ASB5: variants seen among roughly 807,000 people sequenced by gnomAD.
The protein encoded by ASB5 is ankyrin repeat and SOCS box containing 5.
A neutral mutation model predicts 42.1 loss-of-function variants in ASB5; 45 were observed. The observed-to-expected ratio is 1.07, with a 90% CI of 0.84 to 1.37. The LOEUF (loss-of-function observed/expected upper bound fraction) is 1.37, where lower values mean the gene tolerates loss of function less well. ASB5 is among the 40% of genes most tolerant of loss of function. The probability of loss-of-function intolerance (pLI) is 0.00; values close to 1 mark genes in which losing one functional copy is unlikely to be tolerated. For synonymous variants in ASB5, 147 were observed against 150.6 expected (o/e 0.98, Z 0.18); for missense variants, 402 against 399.8 (o/e 1.01, Z -0.05).
chr4:176,217,424 C>T (rs1388193899), intron 5 of ASB5, among the ~76,000 whole-genome samples: 2 of 151,934 alleles, frequency 1.3e-5, no homozygotes, highest in Non-Finnish European at 2.9e-5. Flanking sequence ...TATTCAGGTG[C>T]TTATTTCTAT....
rs1302419707 is a variant in ASB5 at position 176,221,164 on chromosome 4, G to C, written c.661C>G (p.Leu221Val). The change falls in exon 5 of 7, where the codon CTT (leucine) becomes GTT (valine). Residue 221 changes from leucine (L) to valine (V), a missense_variant. Transcript: ENST00000296525. ...TTTTAAAGGAAAATACCAGCATAAAGAAGCTTCCAGATGCAATGGAATTGC... is the reference window on the plus strand; with the variant it reads ...TTTTAAAGGAAAATACCAGCATAAACAAGCTTCCAGATGCAATGGAATTGC... Reference protein sequence around the residue: ...SQQFHCIWKLLYAGADVQKGK... With the variant: ...SQQFHCIWKLVYAGADVQKGK... 1 of 1,612,870 alleles carries C rather than the reference G, an allele frequency of 6.2e-7. No homozygotes were observed. The highest frequency in any genetic ancestry group is 8.5e-7 in the Non-Finnish European group (1 of 1,179,638).
chr4:176,246,224 G>T (rs1753909570), intron 1 of ASB5, among the ~76,000 whole-genome samples: 2 of 152,102 alleles, frequency 1.3e-5, no homozygotes, highest in Admixed American at 6.5e-5. Context: ...AAGGGGAAAG[G>T]CTTTTACAGC....
chr4:176,229,270 T>G (rs978216264), intron 1 of ASB5, among the ~76,000 whole-genome samples: 2 of 152,192 alleles, frequency 1.3e-5, no homozygotes, highest in African/African-American at 2.4e-5. Flanking sequence ...AACCAGATGT[T>G]GTTGGGAATG....
chr4:176,219,099 AATAT>A (rs369200285), intron 5 of ASB5, among the ~76,000 whole-genome samples: 51 of 16,786 alleles, frequency 3.0e-3, no homozygotes, highest in African/African-American at 0.012. Context: ...ATGATATATA[AATAT>A]ATATATATAT....
rs34392287 is a variant in ASB5, at chr4:176,251,564, TAAAAAAAAAAAAA to T, written c.196+17336_196+17348del. Among the ~76,000 whole-genome samples the T allele has an allele frequency of 3.9e-4, 4 of 10,376 alleles. 1 individual carries two copies. Among genetic ancestry groups the T allele is most frequent in the East Asian group, 2.7e-3 (1 of 366 alleles). The allele number at this position is 10,376 out of a possible 152,430, so 6.8% of individuals were successfully genotyped here. A position where few individuals can be genotyped will look rare whatever the true frequency, so the allele number is the denominator to read the frequency against. ...GCGACACAGTGAGACTCTGTCTCATTAAAAAAAAAAAAAAAAAAAAAAAAAAAATTGTTTGAAG... is the reference window on the plus strand; with the variant it reads ...GCGACACAGTGAGACTCTGTCTCATTAAAAAAAAAAAAAAATTGTTTGAAG... On this transcript the variant is annotated intron_variant, in intron 1 of 6. Coordinates refer to ENST00000296525, the MANE Select transcript of ASB5 (RefSeq NM_080874.4).
At chr4:176,252,078 A>G (rs1226115063) in intron 1 of ASB5, among the ~76,000 whole-genome samples, 3 of 42,480 alleles carry the variant, frequency 7.1e-5, no homozygotes, top group African/African-American at 3.4e-4. Context: ...AAAAAAAAAA[A>G]AAAAAGAAAA....
chr4:176,226,746 A>C (rs1454218183), intron 1 of ASB5, among the ~76,000 whole-genome samples: 1 of 152,182 alleles, frequency 6.6e-6, no homozygotes, highest in Non-Finnish European at 1.5e-5. Flanking sequence ...CAGGAATAGC[A>C]GCTTGAATGC....
Position 176,239,593 on chromosome 4 carries a change from A to C in ASB5, c.197-14252T>G, listed in dbSNP as rs577843473. On this transcript the variant is annotated intron_variant, in intron 1 of 6. Transcript: ENST00000296525. ...CTGATCACAGAGACTGAGTCTATAC[A>C]GCTGTTATTGCACAGGTCTAAGTAC... is the stretch of plus-strand genomic sequence containing the variant. 2.0e-5 allele frequency among the ~76,000 whole-genome samples: 3 copies of C among 152,330 alleles called. 1 individual carries two copies. Among genetic ancestry groups the C allele is most frequent in the East Asian group, 1.9e-4 (1 of 5,182 alleles).
intron 1 of ASB5, among the ~76,000 whole-genome samples, chr4:176,246,480 A>T (rs993455330): frequency 5.3e-5 from 8 of 152,356 alleles, no homozygotes; most frequent in Non-Finnish European, 1.2e-4. Context: ...ACAGAGTATG[A>T]GTGTAGACAG....
At chr4:176,225,138 T>G (rs1753340023) in intron 2 of ASB5, 124 bp downstream of exon 2, 4 of 660,732 alleles carry the variant, frequency 6.1e-6, no homozygotes, top group African/African-American at 3.6e-5. Context: ...TTCTCTGACA[T>G]GAGTTAAAAT....
chr4:176,268,462 C>T (rs996231830), intron 1 of ASB5, among the ~76,000 whole-genome samples: 1 of 152,004 alleles, frequency 6.6e-6, no homozygotes, highest in Non-Finnish European at 1.5e-5. Context: ...ATCTTGAAAT[C>T]CCCTCTTTTT....
intron 5 of ASB5, among the ~76,000 whole-genome samples, chr4:176,219,612 A>ATG: frequency 9.0e-6 from 1 of 110,506 alleles, no homozygotes; most frequent in Non-Finnish European, 1.8e-5. Context: ...ATATATATAT[A>ATG]TATATAGGCT....
intron 1 of ASB5, among the ~76,000 whole-genome samples, chr4:176,263,973 C>T (rs1754311617): frequency 6.6e-6 from 1 of 151,998 alleles, no homozygotes. Context: ...GCCAAGTTCA[C>T]CTGCCATTCA....
At chr4:176,250,729 C>T (rs1754016431) in intron 1 of ASB5, among the ~76,000 whole-genome samples, 3 of 152,176 alleles carry the variant, frequency 2.0e-5, no homozygotes, top group Admixed American at 2.0e-4. Context: ...GTTAACGCCA[C>T]GTGCGAACAA....
intron 5 of ASB5, among the ~76,000 whole-genome samples, chr4:176,217,967 CAATATTTTT>C (rs888124226): frequency 6.6e-6 from 1 of 151,208 alleles, no homozygotes; most frequent in Non-Finnish European, 1.5e-5. Context: ...TAATCATTTT[CAATATTTTT>C]AAAACAAATA....
intron 1 of ASB5, among the ~76,000 whole-genome samples, chr4:176,255,150 C>CAAAA (rs367899360): frequency 1.3e-5 from 2 of 152,052 alleles, no homozygotes; most frequent in South Asian, 4.2e-4. Context: ...AACAAACAAA[C>CAAAA]AAAAAACCAC....
chr4:176,215,763 T>C, intron 6 of ASB5, 36 bp from the exon 7 acceptor site: 2 of 1,573,800 alleles, frequency 1.3e-6, no homozygotes, highest in South Asian at 1.2e-5. Context: ...TTAATTAAAA[T>C]AGAAATGAAT....
rs559483430 is a variant in ASB5, at chr4:176,225,230, G to A, written c.276+32C>T. On this transcript the variant is annotated intron_variant, in intron 2 of 6. Transcript: ENST00000296525. ...ACCATGTTCTGTGCACATGGAAAGG[G>A]GGTATATTTTAAACTATATGTAATA... 7.2e-6 allele frequency: 11 copies of A among 1,529,076 alleles called. No individual in the cohort carries two copies. In the African/African-American group the frequency reaches 9.6e-5, roughly 13 times the overall value. 94.7% of individuals were successfully genotyped at this position (1,529,076 alleles called of 1,614,324 possible). A position where few individuals can be genotyped will look rare whatever the true frequency, so the allele number is the denominator to read the frequency against.
At chr4:176,260,103 A>G (rs1754229155) in intron 1 of ASB5, among the ~76,000 whole-genome samples, 1 of 152,262 alleles carries the variant, frequency 6.6e-6, no homozygotes, top group Non-Finnish European at 1.5e-5. Flanking sequence ...AAACTGGGAC[A>G]GTCTAGTTTT....
Sources: gnomAD v4.1 joint callset for allele counts (sites outside exome capture counted in the v4.1 genomes callset) on GRCh38, gnomAD v4.1.1 for gene constraint, MANE v1.5 for transcripts, NCBI Gene and HGNC (gene_info 2026-07-23, HGNC 2026-07-21) for gene names.